UBE2QL1: variants seen among roughly 807,000 people sequenced by gnomAD.
The protein encoded by UBE2QL1 is ubiquitin conjugating enzyme E2 QL1.
UBE2QL1 carries 5 observed loss-of-function variants against 12.6 expected under a neutral mutation model. That is an observed-to-expected ratio of 0.40 (90% CI 0.21 to 0.83). The LOEUF (loss-of-function observed/expected upper bound fraction) is 0.83, where lower values mean the gene tolerates loss of function less well. Among genes scored for constraint, UBE2QL1 ranks in the 40% least tolerant of loss-of-function variants. UBE2QL1 has a pLI of 0.37. For missense variants in UBE2QL1, 99 were observed against 222.6 expected (o/e 0.44, Z 3.53); for synonymous variants, 96 against 94.5 (o/e 1.02, Z -0.10).
Position 6,468,568 on chromosome 5 carries a change from T to A in UBE2QL1, c.354+19321T>A, listed in dbSNP as rs1200322407. The stretch of plus-strand genomic sequence containing the variant: ...TGAGGAGCTGAGGCTGAAATGATCA[T>A]GGGGAATCTTTTCATTCCATTGGAT... On this transcript the variant is annotated intron_variant, in intron 1 of 1. Coordinates refer to ENST00000399816, the MANE Select transcript of UBE2QL1 (RefSeq NM_001145161.3). 2.6e-5 allele frequency among the ~76,000 whole-genome samples: 4 copies of A among 152,204 alleles called. No homozygotes were observed. In the South Asian group the frequency reaches 8.3e-4, roughly 31 times the overall value.
intron 1 of UBE2QL1, among the ~76,000 whole-genome samples, chr5:6,490,182 A>G (rs1032627807): frequency 2.0e-5 from 3 of 152,224 alleles, no homozygotes; most frequent in Non-Finnish European, 4.4e-5. Context: ...CAGTTGATCC[A>G]CCATTAAGAG....
chr5:6,490,879 C>T (rs544164328), intron 1 of UBE2QL1, among the ~76,000 whole-genome samples: 20 of 152,242 alleles, frequency 1.3e-4, no homozygotes, highest in African/African-American at 2.9e-4. Flanking sequence ...TTGGTAAGGC[C>T]GTCCCCTCCT....
At chr5:6,469,209 T>C (rs992738377) in intron 1 of UBE2QL1, among the ~76,000 whole-genome samples, 4 of 152,274 alleles carry the variant, frequency 2.6e-5, no homozygotes, top group Admixed American at 2.6e-4. Flanking sequence ...GTTATCTTCA[T>C]GTGTCCAGAT....
intron 1 of UBE2QL1, among the ~76,000 whole-genome samples, chr5:6,480,094 TTTGA>T (rs1462441817): frequency 6.6e-6 from 1 of 152,222 alleles, no homozygotes; most frequent in African/African-American, 2.4e-5. Flanking sequence ...TGTTTGTTTG[TTTGA>T]GTGAATGGTC....
chr5:6,488,446 T>A lies in UBE2QL1; in HGVS notation c.355-2772T>A, dbSNP rs547505869. ...AAAAAGGATACAGATGGTTAAAATATGCATTTTCGCCAAAAAAAAAAAAAA... is the reference window on the plus strand; with the variant it reads ...AAAAAGGATACAGATGGTTAAAATAAGCATTTTCGCCAAAAAAAAAAAAAA... On this transcript the variant is annotated intron_variant, in intron 1 of 1. Transcript: ENST00000399816. 1.2e-4 allele frequency among the ~76,000 whole-genome samples: 16 copies of A among 133,500 alleles called. No individual in the cohort carries two copies. The East Asian group carries it at 3.1e-3, about 26-fold the overall frequency. The allele number at this position is 133,500 out of a possible 152,430, so 87.6% of individuals were successfully genotyped here.
intron 1 of UBE2QL1, among the ~76,000 whole-genome samples, chr5:6,454,602 G>C (rs894857510): frequency 6.6e-6 from 1 of 152,286 alleles, no homozygotes; most frequent in Admixed American, 6.5e-5. Flanking sequence ...TGCAACTGCT[G>C]TGCTAGTTTG....
rs563751587 is a variant in UBE2QL1 at position 6,494,997 on chromosome 5, G to T, written c.*3648G>T. On this transcript the variant is annotated 3_prime_UTR_variant, in exon 2 of 2. Transcript: ENST00000399816. The stretch of plus-strand genomic sequence containing the variant: ...GAAATTAAAGACATGTGCAAGTCCA[G>T]AGATTTTCTGACTGAAAACCAGAAA... 1 of 152,362 alleles carries T rather than the reference G, an allele frequency of 6.6e-6. No individual in the cohort carries two copies. Among genetic ancestry groups the T allele is most frequent in the African/African-American group, 2.4e-5 (1 of 41,586 alleles). 9.4% of individuals were successfully genotyped at this position (152,362 alleles called of 1,614,324 possible).
rs115937613 is a variant in UBE2QL1 at position 6,469,835 on chromosome 5, T to C, written c.354+20588T>C. On this transcript the variant is annotated intron_variant, in intron 1 of 1. Transcript: ENST00000399816. ...AGATTTTCTCTGTTGCTGCCAACTT[T>C]GATCTGCCCTCATGACGATAACAAT... Among the ~76,000 whole-genome samples, 496 of 152,308 alleles carry C rather than the reference T, an allele frequency of 3.3e-3. 2 individuals are homozygous for C. The highest frequency in any genetic ancestry group is 0.011 in the African/African-American group (474 of 41,558).
At chr5:6,485,397 A>AT (rs1734445607) in intron 1 of UBE2QL1, among the ~76,000 whole-genome samples, 1 of 152,230 alleles carries the variant, frequency 6.6e-6, no homozygotes, top group South Asian at 2.1e-4. Context: ...TGCTTTGAAC[A>AT]TTAAACCTTA....
intron 1 of UBE2QL1, among the ~76,000 whole-genome samples, chr5:6,482,949 C>G (rs74614681): frequency 2.0e-5 from 3 of 152,196 alleles, no homozygotes; most frequent in African/African-American, 7.2e-5. Flanking sequence ...CATCTTGTCT[C>G]CCAGCTCCAA....
At chr5:6,471,521 G>A (rs1238667945) in intron 1 of UBE2QL1, among the ~76,000 whole-genome samples, 1 of 152,254 alleles carries the variant, frequency 6.6e-6, no homozygotes, top group Admixed American at 6.5e-5. Flanking sequence ...CCATGGGGCA[G>A]CTCACAGCAT....
intron 1 of UBE2QL1, among the ~76,000 whole-genome samples, chr5:6,458,512 A>G (rs1739582168): frequency 6.6e-6 from 1 of 152,264 alleles, no homozygotes; most frequent in Non-Finnish European, 1.5e-5. Flanking sequence ...CATTTTGTGC[A>G]CAAAATTATT....
intron 1 of UBE2QL1, among the ~76,000 whole-genome samples, chr5:6,458,841 A>C (rs1423737398): frequency 1.3e-5 from 2 of 152,248 alleles, no homozygotes; most frequent in Non-Finnish European, 2.9e-5. Flanking sequence ...GTAACTTTTT[A>C]AGAGTCATCA....
chr5:6,469,703 AC>A (rs903059623), intron 1 of UBE2QL1, among the ~76,000 whole-genome samples: 2 of 151,896 alleles, frequency 1.3e-5, no homozygotes, highest in Admixed American at 6.6e-5. Flanking sequence ...TCAGGATGAC[AC>A]CCCTGACTTT....
chr5:6,480,179 G>A (rs1409429826), intron 1 of UBE2QL1, among the ~76,000 whole-genome samples: 1 of 152,242 alleles, frequency 6.6e-6, no homozygotes, highest in Non-Finnish European at 1.5e-5. Context: ...TGGCCTTGGG[G>A]TTCAGAGTGT....
intron 1 of UBE2QL1, among the ~76,000 whole-genome samples, chr5:6,480,208 T>A (rs1274502385): frequency 2.0e-5 from 3 of 152,232 alleles, no homozygotes; most frequent in Non-Finnish European, 1.5e-5. Context: ...AAGCCAGGAA[T>A]TCCTGCACTG....
At position 6,491,397 on chromosome 5, in the gene UBE2QL1, C is replaced by T; in HGVS notation, c.*48C>T. On this transcript the variant is annotated 3_prime_UTR_variant, in exon 2 of 2. Transcript: ENST00000399816. ...CTCGAGCGCCTGTCCACACACACAC[C>T]AGTACCCTGACATCTCCTCAATGCT... 1 of 1,507,258 alleles carries T rather than the reference C, an allele frequency of 6.6e-7. No individual in the cohort carries two copies. Among genetic ancestry groups the T allele is most frequent in the Non-Finnish European group, 8.9e-7 (1 of 1,128,158 alleles). The allele number at this position is 1,507,258 out of a possible 1,614,324, so 93.4% of individuals were successfully genotyped here. A position where few individuals can be genotyped will look rare whatever the true frequency, so the allele number is the denominator to read the frequency against.
rs866601118 is a variant in UBE2QL1 at position 6,465,685 on chromosome 5, C to T, written c.354+16438C>T. Among the ~76,000 whole-genome samples the T allele has an allele frequency of 3.3e-5, 5 of 152,218 alleles. No homozygotes were observed. The South Asian group carries it at 6.2e-4, about 19-fold the overall frequency. On this transcript the variant is annotated intron_variant, in intron 1 of 1. Transcript: ENST00000399816. Reference sequence around the variant, plus strand: ...CAATTCAGACACAGCTGCTCTGTGTCCTGGAAAGGAAAGAGCCCTCCGGGA... The same window carrying T: ...CAATTCAGACACAGCTGCTCTGTGTTCTGGAAAGGAAAGAGCCCTCCGGGA...
intron 1 of UBE2QL1, among the ~76,000 whole-genome samples, chr5:6,451,390 T>C (rs966239384): frequency 3.9e-5 from 6 of 152,184 alleles, no homozygotes; most frequent in Admixed American, 6.5e-5. Flanking sequence ...AATACACGGG[T>C]CCTTGTAAGT....
Sources: allele counts gnomAD v4.1 joint callset (sites outside exome capture counted in the v4.1 genomes callset), GRCh38; gene constraint gnomAD v4.1.1; transcripts MANE v1.5; gene names NCBI Gene and HGNC (gene_info 2026-07-23, HGNC 2026-07-21).